SIRT6: variants seen among roughly 807,000 people sequenced by gnomAD.
SIRT6 encodes the protein NAD-dependent protein deacylase sirtuin-6.
SIRT6 carries 21 observed loss-of-function variants against 33.6 expected under a neutral mutation model. That is an observed-to-expected ratio of 0.62 (90% CI 0.44 to 0.90). The LOEUF (loss-of-function observed/expected upper bound fraction) is 0.90. Among genes scored for constraint, SIRT6 ranks in the 40% least tolerant of loss-of-function variants. SIRT6 has a pLI of 0.00. For synonymous variants in SIRT6, 221 were observed against 223.9 expected (o/e 0.99, Z 0.12); for missense variants, 504 against 510.6 (o/e 0.99, Z 0.12).
At chr19:4,180,678 G>T in intron 2 of SIRT6, 104 bp downstream of exon 2, 1 of 1,445,976 alleles carries the variant, frequency 6.9e-7, no homozygotes, top group Non-Finnish European at 9.4e-7. Flanking sequence ...CATCCAGGAG[G>T]AAAGCAGATG....
intron 3 of SIRT6, among the ~76,000 whole-genome samples, 157 bp from the exon 4 acceptor site, chr19:4,177,295 G>A (rs1382107445): frequency 6.6e-6 from 1 of 151,698 alleles, no homozygotes; most frequent in Admixed American, 6.6e-5. Flanking sequence ...CTAGCTCCTG[G>A]CTCCACCATT....
intron 2 of SIRT6, 176 bp downstream of exon 2, chr19:4,180,606 C>A (rs917607192): frequency 1.2e-5 from 9 of 722,244 alleles, no homozygotes; most frequent in Admixed American, 3.6e-5. Flanking sequence ...GTCTGGAATT[C>A]TTGACCTTGT....
Position 4,175,839 on chromosome 19 carries a change from C to A in SIRT6, c.533+3G>T. ...GCCCAGGGCATGGGTGGGGGTGGCT[C>A]ACCTGCAGGCTCGCAGCCCCCTTGC... On this transcript the variant is annotated splice_donor_region_variant and intron_variant, in intron 5 of 7. Coordinates refer to ENST00000337491, the MANE Select transcript of SIRT6 (RefSeq NM_016539.4). 1 of 1,557,244 alleles carries A rather than the reference C, an allele frequency of 6.4e-7. No homozygotes were observed. The highest frequency in any genetic ancestry group is 8.7e-7 in the Non-Finnish European group (1 of 1,150,528).
chr19:4,175,340 TGGGCGGGCCCTTAGACACTTCC>T (rs1967230112), intron 6 of SIRT6, 189 bp from the exon 7 acceptor site: 1 of 777,816 alleles, frequency 1.3e-6, no homozygotes, highest in African/African-American at 1.8e-5. Flanking sequence ...GTCATTGATC[TGGGCGGGCCCTTAGACACTTCC>T]GGGGAGTATC....
intron 2 of SIRT6, 196 bp from the exon 3 acceptor site, chr19:4,179,482 A>C (rs748719910): frequency 2.5e-5 from 15 of 609,490 alleles, no homozygotes; most frequent in Non-Finnish European, 4.3e-5. Flanking sequence ...GGGATAGAAC[A>C]AGACACAGAC....
At position 4,174,823 on chromosome 19, in the gene SIRT6, G is replaced by T; in HGVS notation, c.862C>A (p.Pro288Thr). 1 of 1,556,898 alleles carries T rather than the reference G, an allele frequency of 6.4e-7. No homozygotes were observed. Among genetic ancestry groups the T allele is most frequent in the East Asian group, 2.4e-5 (1 of 42,314 alleles). The change falls in exon 8 of 8, where the codon CCC becomes ACC. Residue 288 changes from proline (P) to threonine (T), a missense_variant. Pro to Thr is a conservative substitution (Grantham distance 38, BLOSUM62 -1). Coordinates refer to ENST00000337491, the MANE Select transcript of SIRT6 (RefSeq NM_016539.4). This position sits in a 1 kb window ranked among gnomAD's most constrained non-coding sequence, Gnocchi z 4.2. ...TTGGGGGTGGGCGGGCGGGGCAGGGGTGGCAGCGCCCTCTCCAGCACACGG... is the reference window on the plus strand; with the variant it reads ...TTGGGGGTGGGCGGGCGGGGCAGGGTTGGCAGCGCCCTCTCCAGCACACGG... ...GPRVLERALP[P>T]LPRPPTPKLE... is the part of the protein sequence containing the mutation.
chr19:4,177,068 GTGGCACTCACGTCTTACACT>G lies in SIRT6; in HGVS notation c.428_437+10del. The G allele has an allele frequency of 6.2e-7, 1 of 1,613,306 alleles. No individual in the cohort carries two copies. The highest frequency in any genetic ancestry group is 8.5e-7 in the Non-Finnish European group (1 of 1,179,592). ...GCAGAGCCCCCACCCCTGCACCCAG[GTGGCACTCACGTCTTACACT>G]TGGCACATTCTTCCACAAACATGTT... On this transcript the variant is annotated splice_donor_variant and splice_donor_5th_base_variant and coding_sequence_variant and intron_variant, in exon 4 of 8. Coordinates refer to ENST00000337491, the MANE Select transcript of SIRT6 (RefSeq NM_016539.4). LOFTEE classifies it high-confidence loss of function.
chr19:4,176,335 C>T (rs1210119107), intron 4 of SIRT6, among the ~76,000 whole-genome samples: 12 of 152,160 alleles, frequency 7.9e-5, no homozygotes, highest in Non-Finnish European at 1.5e-5. Context: ...TCACGCCTGT[C>T]ATCCCAGCAC....
intron 3 of SIRT6, 50 bp downstream of exon 3, chr19:4,179,054 C>G (rs775280145): frequency 6.3e-7 from 1 of 1,595,206 alleles, no homozygotes; most frequent in Admixed American, 1.8e-5. Flanking sequence ...AATGCAAACA[C>G]GGTTTGTGGG....
chr19:4,179,513 A>G, intron 2 of SIRT6: 1 of 561,652 alleles, frequency 1.8e-6, no homozygotes, highest in South Asian at 2.4e-5. Flanking sequence ...AGAGTTAAAG[A>G]CAAAGCAAGT....
chr19:4,177,289 C>T, intron 3 of SIRT6, 151 bp from the exon 4 acceptor site: 1 of 691,258 alleles, frequency 1.4e-6, no homozygotes, highest in Admixed American at 2.5e-5. Flanking sequence ...GCTCTTCTAG[C>T]TCCTGGCTCC....
rs199973152 is a variant in SIRT6, at chr19:4,175,836, G to T, written c.533+6C>A. On this transcript the variant is annotated splice_donor_region_variant and intron_variant, in intron 5 of 7. Coordinates refer to ENST00000337491, the MANE Select transcript of SIRT6 (RefSeq NM_016539.4). ...GGAGCCCAGGGCATGGGTGGGGGTG[G>T]CTCACCTGCAGGCTCGCAGCCCCCT... The T allele has an allele frequency of 2.6e-5, 41 of 1,556,458 alleles. No homozygotes were observed. The highest frequency in any genetic ancestry group is 9.7e-5 in the Admixed American group (5 of 51,416).
intron 1 of SIRT6, 110 bp from the exon 2 acceptor site, chr19:4,181,019 G>T: frequency 7.1e-7 from 1 of 1,402,748 alleles, no homozygotes; most frequent in Non-Finnish European, 9.6e-7. Context: ...GAGGAAAATG[G>T]ATTGGAAAAG....
Position 4,178,981 on chromosome 19 carries a change from A to G in SIRT6, c.377+123T>C, listed in dbSNP as rs533039338. 812 of 1,291,336 alleles carry G rather than the reference A, an allele frequency of 6.3e-4. 4 individuals carry two copies. In the African/African-American group the frequency reaches 0.01, roughly 16 times the overall value. The allele number at this position is 1,291,336 out of a possible 1,614,324, so 80.0% of individuals were successfully genotyped here. A position where few individuals can be genotyped will look rare whatever the true frequency, so the allele number is the denominator to read the frequency against. ...CCATGGGACTCAGAGATCTCCACACACTGGGCCAAGAACTCAGGGCTAGAA... is the reference window on the plus strand; with the variant it reads ...CCATGGGACTCAGAGATCTCCACACGCTGGGCCAAGAACTCAGGGCTAGAA... On this transcript the variant is annotated intron_variant, in intron 3 of 7. Coordinates refer to ENST00000337491, the MANE Select transcript of SIRT6 (RefSeq NM_016539.4).
rs200174862 is a variant in SIRT6 at position 4,175,668 on chromosome 19, G to A, written c.614+12C>T. 26 of 1,508,404 alleles carry A rather than the reference G, an allele frequency of 1.7e-5. No individual in the cohort carries two copies. Among genetic ancestry groups the A allele is most frequent in the East Asian group, 7.2e-5 (3 of 41,474 alleles). 93.4% of individuals were successfully genotyped at this position (1,508,404 alleles called of 1,614,324 possible). On this transcript the variant is annotated intron_variant, in intron 6 of 7. Coordinates refer to ENST00000337491, the MANE Select transcript of SIRT6 (RefSeq NM_016539.4). Reference sequence around the variant, plus strand: ...GCCCCACCATGGGCTCCCTGGGGGTGGGGGGTCAGACCTGCTGGCCTCATC... The same window carrying A: ...GCCCCACCATGGGCTCCCTGGGGGTAGGGGGTCAGACCTGCTGGCCTCATC...
chr19:4,174,724 C>T lies in SIRT6; in HGVS notation c.961G>A (p.Ala321Thr), dbSNP rs201734353. Residue 321 changes from alanine to threonine, a missense_variant, in exon 8 of 8, where the codon GCC (alanine) becomes ACC (threonine). By Grantham distance (58) the Ala-to-Thr change is moderately conservative (BLOSUM62 0). Transcript: ENST00000337491. This position sits in a 1 kb window ranked among gnomAD's most constrained non-coding sequence, Gnocchi z 4.2. ...GCGGGCTCTGAGCCGTTGTGCTGGGCGCAGGGCTCCTGCTTGGGGCCGGCG... is the reference window on the plus strand; with the variant it reads ...GCGGGCTCTGAGCCGTTGTGCTGGGTGCAGGGCTCCTGCTTGGGGCCGGCG... ...IPAGPKQEPCAQHNGSEPASP... is the reference protein window; with the variant it reads ...IPAGPKQEPCTQHNGSEPASP... 44 of 1,475,942 alleles carry T rather than the reference C, an allele frequency of 3.0e-5. No individual in the cohort carries two copies. The highest frequency in any genetic ancestry group is 7.5e-5 in the East Asian group (3 of 40,118). 91.4% of individuals were successfully genotyped at this position (1,475,942 alleles called of 1,614,324 possible).
At chr19:4,179,944 G>A (rs1303199758) in intron 2 of SIRT6, among the ~76,000 whole-genome samples, 1 of 152,134 alleles carries the variant, frequency 6.6e-6, no homozygotes, top group Non-Finnish European at 1.5e-5. Flanking sequence ...AGCAGGAGCA[G>A]GAGGGGCTGA....
At chr19:4,175,970 A>G in intron 4 of SIRT6, 33 bp from the exon 5 acceptor site, 2 of 1,537,418 alleles carry the variant, frequency 1.3e-6, no homozygotes, top group Non-Finnish European at 1.8e-6. Context: ...GGATGGGACC[A>G]GGTGAGCTCC....
At chr19:4,179,475 A>T in intron 2 of SIRT6, 189 bp from the exon 3 acceptor site, 1 of 623,414 alleles carries the variant, frequency 1.6e-6, no homozygotes, top group East Asian at 2.8e-5. Context: ...GGAGAGGGGG[A>T]TAGAACAAGA....
Sources: allele counts gnomAD v4.1 joint callset (sites outside exome capture counted in the v4.1 genomes callset), GRCh38; gene constraint gnomAD v4.1.1; non-coding constraint Gnocchi (gnomAD v3.1); transcripts MANE v1.5; gene names NCBI Gene and HGNC (gene_info 2026-07-23, HGNC 2026-07-21).